The following DMD variants were observed in gnomAD, a reference collection of about 807,000 sequenced individuals.
The protein encoded by DMD is mutant dystrophin.
DMD carries 63 observed loss-of-function variants against 330.1 expected under a neutral mutation model. The observed-to-expected ratio is 0.19, with a 90% CI of 0.16 to 0.24. The LOEUF (loss-of-function observed/expected upper bound fraction) is 0.24. Among genes scored for constraint, DMD ranks in the 10% least tolerant of loss-of-function variants. DMD has a pLI of 1.00. For missense variants in DMD, 3,344 were observed against 2,684.1 expected (o/e 1.25, Z -5.43); for synonymous variants, 1,223 against 959.8 (o/e 1.27, Z -5.07).
chrX:31,880,505 A>G lies in DMD; in HGVS notation c.6913-5132T>C, dbSNP rs1045699739. Among the ~76,000 whole-genome samples, 65 of 112,625 alleles carry G rather than the reference A, an allele frequency of 5.8e-4. 1 individual carries two copies. The highest frequency in any genetic ancestry group is 1.3e-4 in the Non-Finnish European group (7 of 53,308). On this transcript the variant is annotated intron_variant, in intron 47 of 78. Coordinates refer to ENST00000357033, the MANE Select transcript of DMD (RefSeq NM_004006.3). ...ACAGCCAATAAACAAGAAAAAATCC[A>G]GACAGTTAGTAATCAATGAAATGCA... is the stretch of plus-strand genomic sequence containing the variant.
At chrX:32,591,372 T>G (rs2054887214) in intron 13 of DMD, among the ~76,000 whole-genome samples, 1 of 112,110 alleles carries the variant, frequency 8.9e-6, no homozygotes, top group African/African-American at 3.2e-5. Flanking sequence ...GTTTTGCTTT[T>G]TCTTTGGAAG....
chrX:32,798,657 G>A (rs1227911116), intron 7 of DMD, among the ~76,000 whole-genome samples: 1 of 111,546 alleles, frequency 9.0e-6, no homozygotes, highest in Non-Finnish European at 1.9e-5. Context: ...CAACTGCAGA[G>A]TTTGACTCTA....
At chrX:31,601,502 G>A (rs923595480) in intron 55 of DMD, among the ~76,000 whole-genome samples, 16 of 111,175 alleles carry the variant, frequency 1.4e-4, no homozygotes, top group Admixed American at 2.9e-4. Flanking sequence ...GTGAAGAGAC[G>A]GGAAGCATAA....
intron 41 of DMD, among the ~76,000 whole-genome samples, chrX:32,314,379 C>T (rs999434759): frequency 5.4e-5 from 6 of 111,156 alleles, no homozygotes; most frequent in African/African-American, 1.6e-4. Context: ...TTTCTTACAC[C>T]TTATACAAAA....
chrX:31,627,756 C>T lies in DMD; in HGVS notation c.8134G>A (p.Ala2712Thr). ...CGGGTAGCATCCTGTAGGACATTGG[C>T]AGTTGTTTCAGCTTCTGTAAGCCAG... Reference protein sequence around the residue: ...LAWLTEAETTANVLQDATRKE... With the variant: ...LAWLTEAETTTNVLQDATRKE... Residue 2712 changes from alanine (A) to threonine (T), a missense_variant, in exon 55 of 79, where the codon GCC (alanine) becomes ACC (threonine). Coordinates refer to ENST00000357033, the MANE Select transcript of DMD (RefSeq NM_004006.3). 8.3e-7 allele frequency: 1 copy of T among 1,211,001 alleles called. No individual in the cohort carries two copies. Among genetic ancestry groups the T allele is most frequent in the Non-Finnish European group, 1.1e-6 (1 of 895,137 alleles).
intron 7 of DMD, among the ~76,000 whole-genome samples, chrX:32,782,959 TACACACACAC>T (rs1312209499): frequency 3.9e-5 from 4 of 103,172 alleles, no homozygotes; most frequent in Admixed American, 1.1e-4. Flanking sequence ...CACACACACA[TACACACACAC>T]ATATATATAC....
At chrX:32,503,711 A>G (rs2044315368) in intron 18 of DMD, among the ~76,000 whole-genome samples, 1 of 109,691 alleles carries the variant, frequency 9.1e-6, no homozygotes, top group Non-Finnish European at 1.9e-5. Flanking sequence ...GTGCACCACC[A>G]CGCCCAGCTA....
intron 67 of DMD, among the ~76,000 whole-genome samples, chrX:31,188,487 T>C (rs1360979895): frequency 1.8e-5 from 2 of 112,214 alleles, no homozygotes; most frequent in East Asian, 5.5e-4. Context: ...GTCTCAGATA[T>C]AATCCCCTCT....
At chrX:32,929,702 TC>T (rs1374045473) in intron 2 of DMD, among the ~76,000 whole-genome samples, 1 of 111,009 alleles carries the variant, frequency 9.0e-6, no homozygotes, top group Non-Finnish European at 1.9e-5. Context: ...CCTAATGCTA[TC>T]CCTCCCTTTG....
chrX:31,678,449 G>A (rs1036788507), intron 53 of DMD, among the ~76,000 whole-genome samples: 1 of 112,114 alleles, frequency 8.9e-6, no homozygotes, highest in African/African-American at 3.2e-5. Flanking sequence ...TAAATACTAA[G>A]TTTGAAGGGA....
chrX:32,589,491 T>A (rs971883857), intron 13 of DMD, among the ~76,000 whole-genome samples: 1 of 110,814 alleles, frequency 9.0e-6, no homozygotes, highest in Non-Finnish European at 1.9e-5. Context: ...TGTATATATA[T>A]AGAAACATAA....
intron 7 of DMD, among the ~76,000 whole-genome samples, chrX:32,739,462 G>A (rs770342192): frequency 8.9e-6 from 1 of 111,971 alleles, no homozygotes; most frequent in Non-Finnish European, 1.9e-5. Flanking sequence ...TACAAAGCAT[G>A]TGATCACTTT....
At chrX:32,842,816 T>TA (rs1280753369) in intron 4 of DMD, among the ~76,000 whole-genome samples, 2 of 78,365 alleles carry the variant, frequency 2.6e-5, no homozygotes, top group East Asian at 4.2e-4. Context: ...TTATTATTAT[T>TA]TTTTTTTTTG....
chrX:32,159,250 T>C (rs1215289136), intron 44 of DMD, among the ~76,000 whole-genome samples: 3 of 112,335 alleles, frequency 2.7e-5, no homozygotes, highest in Non-Finnish European at 5.6e-5. Context: ...ACAGGTTGTA[T>C]TGGTGATGTT....
intron 61 of DMD, among the ~76,000 whole-genome samples, chrX:31,342,022 C>T (rs776719002): frequency 3.6e-5 from 4 of 111,033 alleles, no homozygotes; most frequent in Non-Finnish European, 7.5e-5. Context: ...CATTCCATTC[C>T]ATTCCATACC....
chrX:32,217,352 A>AT (rs1337525627), intron 43 of DMD, among the ~76,000 whole-genome samples: 3 of 111,822 alleles, frequency 2.7e-5, no homozygotes, highest in Non-Finnish European at 5.7e-5. Context: ...TAAAGCAACT[A>AT]TTTTGGACTA....
chrX:31,698,659 G>A (rs1006961274), intron 52 of DMD, among the ~76,000 whole-genome samples: 2 of 112,172 alleles, frequency 1.8e-5, no homozygotes, highest in African/African-American at 6.5e-5. Flanking sequence ...CCCACAAAGA[G>A]GAAGAAACAT....
chrX:32,450,635 T>C (rs1274634604), intron 26 of DMD, among the ~76,000 whole-genome samples: 2 of 110,655 alleles, frequency 1.8e-5, no homozygotes, highest in Non-Finnish European at 3.8e-5. Context: ...ATTAGAAAAC[T>C]GAGGTTCAGA....
intron 2 of DMD, among the ~76,000 whole-genome samples, chrX:32,896,510 T>C (rs991986018): frequency 9.0e-6 from 1 of 111,204 alleles, no homozygotes; most frequent in Admixed American, 9.6e-5. Flanking sequence ...ACCTATAGAT[T>C]AGAAAAAAAT....
Sources: allele counts gnomAD v4.1 joint callset (sites outside exome capture counted in the v4.1 genomes callset), GRCh38; gene constraint gnomAD v4.1.1; transcripts MANE v1.5; gene names NCBI Gene and HGNC (gene_info 2026-07-23, HGNC 2026-07-21).